WDR88: variants seen among roughly 807,000 people sequenced by gnomAD.
The protein encoded by WDR88 is WD repeat-containing protein 88.
Under a neutral mutation model 46.8 loss-of-function variants are expected in WDR88, and 40 were observed. The ratio of observed to expected loss-of-function variants is 0.86; its 90% confidence interval spans 0.66 to 1.11. WDR88 has a LOEUF of 1.11. Ranked by LOEUF, WDR88 falls within the 50% of genes most tolerant of loss-of-function variation. The pLI is 0.00. For missense variants in WDR88, 562 were observed against 602.4 expected (o/e 0.93, Z 0.70); for synonymous variants, 235 against 240.7 (o/e 0.98, Z 0.22).
intron 9 of WDR88, among the ~76,000 whole-genome samples, chr19:33,167,009 GGATT>G (rs1387947364): frequency 2.6e-5 from 4 of 152,024 alleles, no homozygotes; most frequent in African/African-American, 9.7e-5. Flanking sequence ...AAATAAAATA[GGATT>G]GATTAAATAC....
rs779648023 is a variant in WDR88 at position 33,132,413 on chromosome 19, T to A, written c.244T>A (p.Leu82Met). The A allele has an allele frequency of 6.2e-7, 1 of 1,613,908 alleles. No homozygotes were observed. Among genetic ancestry groups the A allele is most frequent in the Non-Finnish European group, 8.5e-7 (1 of 1,179,988 alleles). ...LPEKHQVPEK[L>M]IWGDQDPLSK... ...TGAGAAGCACCAGGTGCCGGAGAAA[T>A]TGATCTGGGGCGACCAGGACCCTCT... Residue 82 changes from leucine (L) to methionine (M), a missense_variant, in exon 1 of 11, where the codon TTG (leucine) becomes ATG (methionine). Coordinates refer to ENST00000355868, the MANE Select transcript of WDR88 (RefSeq NM_173479.4).
At chr19:33,158,753 G>A (rs938818091) in intron 7 of WDR88, among the ~76,000 whole-genome samples, 9 of 152,236 alleles carry the variant, frequency 5.9e-5, no homozygotes, top group Admixed American at 3.9e-4. Flanking sequence ...AGGCTGGAGC[G>A]CAGTTGCGCG....
chr19:33,150,539 C>A (rs1370315271), intron 5 of WDR88, among the ~76,000 whole-genome samples: 5 of 152,250 alleles, frequency 3.3e-5, no homozygotes, highest in African/African-American at 1.2e-4. Context: ...TGTTATGAAC[C>A]ATACATTGCT....
intron 1 of WDR88, 80 bp downstream of exon 1, chr19:33,132,525 A>C: frequency 6.4e-7 from 1 of 1,554,650 alleles, no homozygotes; most frequent in Non-Finnish European, 8.7e-7. Flanking sequence ...CGGGGGACCC[A>C]TGGAAAACCC....
intron 8 of WDR88, among the ~76,000 whole-genome samples, chr19:33,162,561 C>T (rs1048274504): frequency 6.6e-6 from 1 of 152,018 alleles, no homozygotes; most frequent in African/African-American, 2.4e-5. Flanking sequence ...TCCTTCTCTG[C>T]TTAAGCCACA....
intron 8 of WDR88, 97 bp downstream of exon 8, chr19:33,160,593 C>T: frequency 7.7e-7 from 1 of 1,306,448 alleles, no homozygotes; most frequent in South Asian, 1.2e-5. Flanking sequence ...GTGAGTGACA[C>T]AGGCCTTGAT....
intron 10 of WDR88, chr19:33,174,458 C>T: frequency 1.0e-6 from 1 of 985,364 alleles, no homozygotes; most frequent in Non-Finnish European, 1.2e-6. Context: ...CTGCCCATGG[C>T]CTAGGAGACC....
At position 33,175,526 on chromosome 19, in the gene WDR88, C is replaced by T. The variant is rs777412006; in HGVS notation, c.1373C>T (p.Ser458Leu). The T allele has an allele frequency of 5.6e-6, 9 of 1,614,050 alleles. No homozygotes were observed. In the African/African-American group the frequency reaches 9.3e-5, roughly 17 times the overall value. The stretch of plus-strand genomic sequence containing the variant: ...GATACTTCATCGTCATCATCATCAT[C>T]GGAAAGGGAGAACTCACCGCCGCCA... The part of the protein sequence containing the change: ...PADTSSSSSS[S>L]ERENSPPPRG... The change falls in exon 11 of 11, where the codon TCG (serine) becomes TTG (leucine). Residue 458 changes from serine to leucine, a missense_variant. Coordinates refer to ENST00000355868, the MANE Select transcript of WDR88 (RefSeq NM_173479.4).
intron 3 of WDR88, among the ~76,000 whole-genome samples, chr19:33,147,028 A>G (rs773395447): frequency 2.0e-5 from 3 of 151,218 alleles, no homozygotes; most frequent in Admixed American, 6.6e-5. Context: ...GCTTGAGGCC[A>G]GGAGAGACCA....
intron 10 of WDR88, 140 bp downstream of exon 10, chr19:33,172,580 T>C: frequency 1.5e-6 from 1 of 666,692 alleles, no homozygotes; most frequent in Non-Finnish European, 2.6e-6. Context: ...CAGGGGAGCT[T>C]AAATTCTAAG....
chr19:33,164,996 A>G (rs1973930244), intron 9 of WDR88, among the ~76,000 whole-genome samples: 1 of 151,892 alleles, frequency 6.6e-6, no homozygotes, highest in Admixed American at 6.6e-5. Flanking sequence ...AGACAGTGAC[A>G]GATCATCAGG....
intron 10 of WDR88, chr19:33,174,808 C>T (rs1452706573): frequency 1.0e-6 from 1 of 985,042 alleles, no homozygotes; most frequent in African/African-American, 1.8e-5. Context: ...TCAGGACCCC[C>T]ATGGCAGGAG....
chr19:33,150,821 G>A (rs981596419), intron 5 of WDR88, among the ~76,000 whole-genome samples: 2 of 152,292 alleles, frequency 1.3e-5, no homozygotes, highest in South Asian at 2.1e-4. Flanking sequence ...TTCCATTTCT[G>A]CTTCCCTTGC....
chr19:33,166,637 C>T (rs975345196), intron 9 of WDR88, among the ~76,000 whole-genome samples: 6 of 151,508 alleles, frequency 4.0e-5, no homozygotes, highest in Non-Finnish European at 8.8e-5. Context: ...TTTGGCTAGG[C>T]GCAGTGGCTC....
At chr19:33,156,314 A>G in intron 6 of WDR88, 41 bp from the exon 7 acceptor site, 1 of 1,593,130 alleles carries the variant, frequency 6.3e-7, no homozygotes, top group African/African-American at 1.3e-5. Context: ...GTCCTCCAGG[A>G]GCAAAGCGCT....
At position 33,132,345 on chromosome 19, in the gene WDR88, A is replaced by C; in HGVS notation, c.176A>C (p.Asp59Ala). Residue 59 changes from aspartate (D) to alanine (A), a missense_variant, in exon 1 of 11, where the codon GAC becomes GCC. Asp to Ala is a moderately radical substitution (Grantham distance 126). Transcript: ENST00000355868. ...IPHTHLLATL[D>A]PLALDREPPP... is the part of the protein sequence containing the mutation. ...CACACGCACCTGCTGGCCACCCTCG[A>C]CCCCCTGGCCTTGGACAGGGAACCA... 3.1e-6 allele frequency: 5 copies of C among 1,613,834 alleles called. No homozygotes were observed. The highest frequency in any genetic ancestry group is 4.2e-6 in the Non-Finnish European group (5 of 1,179,958).
At position 33,132,195 on chromosome 19, in the gene WDR88, C is replaced by A. The variant is rs772240791; in HGVS notation, c.26C>A (p.Pro9Gln). MASPPRCSPTAHDRECKLP... is the reference protein window; with the variant it reads MASPPRCSQTAHDRECKLP... ...ATGGCCTCCCCGCCGCGGTGCTCCC[C>A]GACAGCCCATGACAGGGAATGCAAG... The change falls in exon 1 of 11, where the codon CCG becomes CAG. Residue 9 changes from proline to glutamine, a missense_variant. By Grantham distance (76) the Pro-to-Gln change is moderately conservative. Coordinates refer to ENST00000355868, the MANE Select transcript of WDR88 (RefSeq NM_173479.4). 1.2e-6 allele frequency: 2 copies of A among 1,603,132 alleles called. No individual in the cohort carries two copies. The highest frequency in any genetic ancestry group is 1.7e-6 in the Non-Finnish European group (2 of 1,177,298).
intron 2 of WDR88, among the ~76,000 whole-genome samples, chr19:33,143,644 C>CAAA (rs11330443): frequency 2.0e-4 from 23 of 117,134 alleles, no homozygotes; most frequent in African/African-American, 5.9e-4. Flanking sequence ...GACCCTCTCT[C>CAAA]AAAAAAAAAA....
rs1555723214 is a variant in WDR88 at position 33,133,198 on chromosome 19, T to TATATAG, written c.276+754_276+755insTATAGA. Among the ~76,000 whole-genome samples, 110 of 79,816 alleles carry TATATAG rather than the reference T, an allele frequency of 1.4e-3. 1 individual carries two copies. Among genetic ancestry groups the TATATAG allele is most frequent in the African/African-American group, 3.5e-3 (106 of 30,686 alleles). The allele number at this position is 79,816 out of a possible 152,430, so 52.4% of individuals were successfully genotyped here. ...AAATAAATAAATAAATAAATAAATA[T>TATATAG]AGAGAGAGAGAGAGAAAGAAAGAAA... is the stretch of plus-strand genomic sequence containing the variant. On this transcript the variant is annotated intron_variant, in intron 1 of 10. Transcript: ENST00000355868.
Sources: allele counts gnomAD v4.1 joint callset (sites outside exome capture counted in the v4.1 genomes callset), GRCh38; gene constraint gnomAD v4.1.1; transcripts MANE v1.5; gene names NCBI Gene and HGNC (gene_info 2026-07-23, HGNC 2026-07-21).